NAPB: variants seen among roughly 807,000 people sequenced by gnomAD.
NAPB encodes beta-soluble NSF attachment protein.
Under a neutral mutation model 44.7 loss-of-function variants are expected in NAPB, and 26 were observed. That is an observed-to-expected ratio of 0.58 (90% CI 0.43 to 0.81). The LOEUF is 0.81. Among genes scored for constraint, NAPB ranks in the 30% least tolerant of loss-of-function variants. The pLI is 0.00. For synonymous variants in NAPB, 120 were observed against 116.8 expected, an observed-to-expected ratio of 1.03 and a Z score of -0.18; for missense variants, 315 against 356.4, an observed-to-expected ratio of 0.88 and a Z score of 0.94.
rs563975617 is a variant in NAPB, at chr20:23,403,285, C to A, written c.99-213G>T. 3.9e-5 allele frequency among the ~76,000 whole-genome samples: 6 copies of A among 152,240 alleles called. No homozygotes were observed. In the South Asian group the frequency reaches 8.3e-4, roughly 21 times the overall value. On this transcript the variant is annotated intron_variant, in intron 1 of 10. Transcript: ENST00000377026. ...GTAAAGTAACTAGCCCGAGGTGACA[C>A]AGAAAGGATAGCTCAGAATTAAGAC... is the stretch of plus-strand genomic sequence containing the variant.
intron 5 of NAPB, among the ~76,000 whole-genome samples, chr20:23,391,415 G>C (rs536936130): frequency 1.1e-4 from 16 of 152,350 alleles, no homozygotes; most frequent in African/African-American, 3.8e-4. Context: ...TTTTAGCACA[G>C]TTTTGTAAGA....
At chr20:23,387,305 G>GA (rs1181795940) in intron 7 of NAPB, among the ~76,000 whole-genome samples, 2 of 152,056 alleles carry the variant, frequency 1.3e-5, no homozygotes, top group Admixed American at 6.5e-5. Flanking sequence ...ATGAAAGACC[G>GA]AAAGTTTTCC....
intron 1 of NAPB, among the ~76,000 whole-genome samples, chr20:23,405,243 A>AG (rs1295266321): frequency 6.6e-6 from 1 of 151,918 alleles, no homozygotes; most frequent in Non-Finnish European, 1.5e-5. Context: ...ACTGCACTCC[A>AG]GCCCACCAGT....
intron 7 of NAPB, among the ~76,000 whole-genome samples, chr20:23,384,697 G>A (rs759211228): frequency 2.6e-5 from 4 of 152,026 alleles, no homozygotes; most frequent in Non-Finnish European, 5.9e-5. Context: ...GAAACAAAAA[G>A]CAAAGAATAG....
At chr20:23,407,237 ATTTTG>A (rs932353988) in intron 1 of NAPB, among the ~76,000 whole-genome samples, 4 of 152,188 alleles carry the variant, frequency 2.6e-5, no homozygotes, top group African/African-American at 7.2e-5. Flanking sequence ...CCGGATGCTT[ATTTTG>A]TTTTATGTGA....
At chr20:23,379,964 C>T (rs774690950) in intron 8 of NAPB, 29 bp from the exon 9 acceptor site, 23 of 1,583,546 alleles carry the variant, frequency 1.5e-5, no homozygotes, top group Non-Finnish European at 2.0e-5. Flanking sequence ...TCATCAATTT[C>T]AGACTTACTA....
In NAPB at chr20:23,418,752, A is replaced by G. The variant is rs1986174040; in HGVS notation, c.98+2553T>C. Among the ~76,000 whole-genome samples, 4 of 151,372 alleles carry G rather than the reference A, an allele frequency of 2.6e-5. No individual in the cohort carries two copies. In the South Asian group the frequency reaches 8.4e-4, roughly 32 times the overall value. ...GGCATTCGAGACCAGCCTGGCCAACACAGTGAAACCCCGTCTCTACTAAAA... is the reference window on the plus strand; with the variant it reads ...GGCATTCGAGACCAGCCTGGCCAACGCAGTGAAACCCCGTCTCTACTAAAA... On this transcript the variant is annotated intron_variant, in intron 1 of 10. Transcript: ENST00000377026.
chr20:23,395,018 A>T lies in NAPB; in HGVS notation c.343-19T>A. On this transcript the variant is annotated intron_variant, in intron 4 of 10. Transcript: ENST00000377026. ...ACCTTCCCTAGGGGAAAAAACAAGA[A>T]ACAGTCACACACCGATTTTACCTAT... 2 of 1,613,948 alleles carry T rather than the reference A, an allele frequency of 1.2e-6. No homozygotes were observed. The highest frequency in any genetic ancestry group is 8.5e-7 in the Non-Finnish European group (1 of 1,179,774).
intron 2 of NAPB, among the ~76,000 whole-genome samples, chr20:23,398,688 C>CA (rs1482094583): frequency 1.3e-5 from 2 of 151,236 alleles, no homozygotes; most frequent in Admixed American, 1.3e-4. Flanking sequence ...ACTAAAAATA[C>CA]AAAAAATTAG....
rs1982564427 is a variant in NAPB at position 23,376,898 on chromosome 20, A to G, written c.*478T>C. 5 of 152,270 alleles carry G rather than the reference A, an allele frequency of 3.3e-5. No individual in the cohort carries two copies. The highest frequency in any genetic ancestry group is 3.3e-4 in the Admixed American group (5 of 15,290). The allele number at this position is 152,270 out of a possible 1,614,324, so 9.4% of individuals were successfully genotyped here. A position where few individuals can be genotyped will look rare whatever the true frequency, so the allele number is the denominator to read the frequency against. On this transcript the variant is annotated 3_prime_UTR_variant, in exon 11 of 11. Coordinates refer to ENST00000377026, the MANE Select transcript of NAPB (RefSeq NM_022080.3). ...ACCATCAAAATAATCACAGGATAAC[A>G]AAAATAGAAATGATTTCTAATGAAG... is the stretch of plus-strand genomic sequence containing the variant.
intron 1 of NAPB, among the ~76,000 whole-genome samples, chr20:23,405,515 G>A (rs1033104601): frequency 6.6e-6 from 1 of 152,102 alleles, no homozygotes. Context: ...TCAGGGCCAG[G>A]AGTTTGAGAC....
At chr20:23,410,422 T>C (rs1475005001) in intron 1 of NAPB, among the ~76,000 whole-genome samples, 3 of 152,230 alleles carry the variant, frequency 2.0e-5, no homozygotes, top group African/African-American at 7.2e-5. Flanking sequence ...AAGAAGATCC[T>C]AAGTGAATTA....
chr20:23,407,024 C>T (rs372450470), intron 1 of NAPB, among the ~76,000 whole-genome samples: 3 of 152,264 alleles, frequency 2.0e-5, no homozygotes, highest in East Asian at 1.9e-4. Context: ...AGGACAATGG[C>T]TTATCCAAGG....
intron 2 of NAPB, among the ~76,000 whole-genome samples, chr20:23,398,854 A>ATTTTTTTTTT (rs34074566): frequency 8.8e-5 from 8 of 90,426 alleles, no homozygotes; most frequent in Admixed American, 1.5e-4. Context: ...CAAAAAAAAA[A>ATTTTTTTTTT]TTTTTTTTTT....
At chr20:23,411,314 C>T (rs1193782599) in intron 1 of NAPB, among the ~76,000 whole-genome samples, 2 of 152,104 alleles carry the variant, frequency 1.3e-5, no homozygotes, top group African/African-American at 4.8e-5. Context: ...CACATAAAAA[C>T]TCAAAGTTAC....
chr20:23,396,094 C>A (rs1398523516), intron 3 of NAPB, among the ~76,000 whole-genome samples: 1 of 152,154 alleles, frequency 6.6e-6, no homozygotes, highest in Non-Finnish European at 1.5e-5. Context: ...TTTCCTTTTG[C>A]GTTTATTAGA....
At chr20:23,389,664 T>G (rs1983805749) in intron 7 of NAPB, among the ~76,000 whole-genome samples, 1 of 152,192 alleles carries the variant, frequency 6.6e-6, no homozygotes, top group Admixed American at 6.5e-5. Flanking sequence ...TCATATATAT[T>G]CAAGGTTCAG....
In NAPB at chr20:23,379,506, A is replaced by G; in HGVS notation, c.736-11T>C. The G allele has an allele frequency of 6.3e-7, 1 of 1,599,650 alleles. No individual in the cohort carries two copies. The highest frequency in any genetic ancestry group is 1.1e-5 in the South Asian group (1 of 88,414). On this transcript the variant is annotated splice_polypyrimidine_tract_variant and intron_variant, in intron 9 of 10. Coordinates refer to ENST00000377026, the MANE Select transcript of NAPB (RefSeq NM_022080.3). ...AGCTTCTAGGAGTTTCTGGTAGCATAAAAATATTTTAAAAAACAGTTCTGT... is the reference window on the plus strand; with the variant it reads ...AGCTTCTAGGAGTTTCTGGTAGCATGAAAATATTTTAAAAAACAGTTCTGT...
intron 1 of NAPB, among the ~76,000 whole-genome samples, chr20:23,420,776 TCTGGGGTCTCCAGAGGGC>T (rs1986351614): frequency 6.6e-6 from 1 of 151,146 alleles, no homozygotes; most frequent in Non-Finnish European, 1.5e-5. Context: ...AGGGGGGCGA[TCTGGGGTCTCCAGAGGGC>T]GCGTGAGGCT....
Sources: allele counts gnomAD v4.1 joint callset (sites outside exome capture counted in the v4.1 genomes callset), GRCh38; gene constraint gnomAD v4.1.1; transcripts MANE v1.5; gene names NCBI Gene and HGNC (gene_info 2026-07-23, HGNC 2026-07-21).